LRRTM4: variants seen among roughly 807,000 people sequenced by gnomAD.
LRRTM4 encodes the protein leucine-rich repeat transmembrane neuronal protein 4.
A neutral mutation model predicts 47.6 loss-of-function variants in LRRTM4; 25 were observed. The ratio of observed to expected loss-of-function variants is 0.53; its 90% confidence interval spans 0.38 to 0.73. The LOEUF (loss-of-function observed/expected upper bound fraction) is 0.73. Among genes scored for constraint, LRRTM4 ranks in the 30% least tolerant of loss-of-function variants. LRRTM4 has a pLI of 0.00. For synonymous variants in LRRTM4, 311 were observed against 269.5 expected, an observed-to-expected ratio of 1.15 and a Z score of -1.51; for missense variants, 638 against 713.4, an observed-to-expected ratio of 0.89 and a Z score of 1.20.
At chr2:77,292,689 G>C (rs1246076394) in intron 3 of LRRTM4, among the ~76,000 whole-genome samples, 1 of 120,012 alleles carries the variant, frequency 8.3e-6, no homozygotes, top group Non-Finnish European at 1.6e-5. Flanking sequence ...ACACTCTGGG[G>C]ACTGTTGTGG....
At chr2:77,100,071 C>T (rs1367615137) in intron 3 of LRRTM4, among the ~76,000 whole-genome samples, 2 of 152,032 alleles carry the variant, frequency 1.3e-5, no homozygotes, top group Non-Finnish European at 2.9e-5. Context: ...CTTTAAGTAA[C>T]ATGAAATGAA....
chr2:77,353,685 T>TTTA (rs58919757), intron 3 of LRRTM4, among the ~76,000 whole-genome samples: 8,702 of 151,198 alleles, frequency 0.058, 371 homozygotes, highest in African/African-American at 0.11. Flanking sequence ...TGCTGCTTAA[T>TTTA]TTATTATTAT....
chr2:77,332,000 AT>A (rs1033410606), intron 3 of LRRTM4, among the ~76,000 whole-genome samples: 1 of 152,160 alleles, frequency 6.6e-6, no homozygotes, highest in African/African-American at 2.4e-5. Context: ...ATTAAGATCA[AT>A]TTTTTATCAA....
chr2:76,944,455 C>T (rs769024221), intron 3 of LRRTM4, among the ~76,000 whole-genome samples: 1 of 152,100 alleles, frequency 6.6e-6, no homozygotes, highest in Non-Finnish European at 1.5e-5. Flanking sequence ...ATCTTGTTCT[C>T]AGCTGTGTTT....
intron 3 of LRRTM4, among the ~76,000 whole-genome samples, chr2:76,874,521 T>C (rs1356033269): frequency 6.6e-6 from 1 of 152,030 alleles, no homozygotes; most frequent in Non-Finnish European, 1.5e-5. Flanking sequence ...AAATTATGAG[T>C]ATATTTTATG....
chr2:76,802,888 G>A (rs890233361), intron 3 of LRRTM4, among the ~76,000 whole-genome samples: 1 of 151,962 alleles, frequency 6.6e-6, no homozygotes, highest in African/African-American at 2.4e-5. Context: ...TGGGGCTATT[G>A]GATATTCATT....
intron 3 of LRRTM4, among the ~76,000 whole-genome samples, chr2:77,378,886 T>C (rs1192528126): frequency 6.6e-6 from 1 of 152,134 alleles, no homozygotes; most frequent in Non-Finnish European, 1.5e-5. Context: ...TGTTCACCTT[T>C]ACACACAAGT....
At chr2:77,063,529 T>TAAAAAAA (rs1679860541) in intron 3 of LRRTM4, among the ~76,000 whole-genome samples, 2 of 152,168 alleles carry the variant, frequency 1.3e-5, no homozygotes, top group African/African-American at 4.8e-5. Flanking sequence ...TGATATCAAT[T>TAAAAAAA]GTTCTACCAA....
intron 3 of LRRTM4, among the ~76,000 whole-genome samples, chr2:77,364,148 T>G (rs1004851974): frequency 2.0e-5 from 3 of 149,144 alleles, no homozygotes; most frequent in Non-Finnish European, 4.5e-5. Flanking sequence ...AAAAAACAAG[T>G]TCTTGTTTAT....
At chr2:76,974,085 A>G (rs1676312448) in intron 3 of LRRTM4, among the ~76,000 whole-genome samples, 1 of 150,632 alleles carries the variant, frequency 6.6e-6, no homozygotes, top group Non-Finnish European at 1.5e-5. Context: ...CGTTTAAAAA[A>G]ATGCAGTTTC....
chr2:77,062,109 A>G (rs1679805625), intron 3 of LRRTM4, among the ~76,000 whole-genome samples: 1 of 152,128 alleles, frequency 6.6e-6, no homozygotes. Flanking sequence ...TCAGTGATGG[A>G]TTGAATTAAC....
chr2:77,242,282 C>T (rs921943670), intron 3 of LRRTM4, among the ~76,000 whole-genome samples: 2 of 151,752 alleles, frequency 1.3e-5, no homozygotes, highest in Non-Finnish European at 2.9e-5. Context: ...TCTGTGACAC[C>T]AAAAGCACAG....
At position 76,978,064 on chromosome 2, in the gene LRRTM4, T is replaced by C. The variant is rs575703461; in HGVS notation, c.1552-229148A>G. 5.9e-5 allele frequency among the ~76,000 whole-genome samples: 9 copies of C among 152,098 alleles called. No individual in the cohort carries two copies. In the South Asian group the frequency reaches 1.7e-3, roughly 28 times the overall value. On this transcript the variant is annotated intron_variant, in intron 3 of 3. Coordinates refer to ENST00000409884, the MANE Select transcript of LRRTM4 (RefSeq NM_001134745.3). ...ATGGCTAAGGAGTCTATGGGGAAGG[T>C]TAATATGTTATCTGGCTCTGCTCAC...
At chr2:77,108,819 G>A (rs537802140) in intron 3 of LRRTM4, among the ~76,000 whole-genome samples, 1 of 151,984 alleles carries the variant, frequency 6.6e-6, no homozygotes, top group South Asian at 2.1e-4. Context: ...TCCTGACCTC[G>A]TGATCCGCCC....
intron 3 of LRRTM4, among the ~76,000 whole-genome samples, chr2:77,061,591 T>C (rs1440711826): frequency 2.0e-5 from 3 of 152,144 alleles, no homozygotes; most frequent in African/African-American, 7.2e-5. Flanking sequence ...ATTAGCAAGA[T>C]TAAACACTGC....
At chr2:76,876,065 C>T (rs2104079151) in intron 3 of LRRTM4, among the ~76,000 whole-genome samples, 1 of 152,190 alleles carries the variant, frequency 6.6e-6, no homozygotes, top group East Asian at 1.9e-4. Context: ...AAGGAATCTG[C>T]TCTCTAATCA....
intron 3 of LRRTM4, among the ~76,000 whole-genome samples, chr2:77,318,711 T>C (rs1677694050): frequency 6.6e-6 from 1 of 152,202 alleles, no homozygotes; most frequent in Non-Finnish European, 1.5e-5. Context: ...ATTATAATTT[T>C]AGAATGGGTA....
intron 3 of LRRTM4, among the ~76,000 whole-genome samples, chr2:77,476,943 T>C (rs566763268): frequency 6.7e-6 from 1 of 150,288 alleles, no homozygotes; most frequent in Non-Finnish European, 1.5e-5. Flanking sequence ...TGCAGAATTA[T>C]GTATAATAAA....
intron 3 of LRRTM4, among the ~76,000 whole-genome samples, chr2:76,950,756 A>C (rs1360386586): frequency 6.6e-6 from 1 of 152,040 alleles, no homozygotes; most frequent in Non-Finnish European, 1.5e-5. Context: ...TACTTACAAA[A>C]ATAAAACAGA....
Sources: gnomAD v4.1 joint callset for allele counts (sites outside exome capture counted in the v4.1 genomes callset) on GRCh38, gnomAD v4.1.1 for gene constraint, MANE v1.5 for transcripts, NCBI Gene and HGNC (gene_info 2026-07-23, HGNC 2026-07-21) for gene names.